SH3D21: variants seen among roughly 807,000 people sequenced by gnomAD.
SH3D21 encodes the protein manchette microtubule inner protein 1, also known as SH3 domain-containing protein 21.
In SH3D21, 83 loss-of-function variants were observed where a neutral mutation model predicts 82.1. The ratio of observed to expected loss-of-function variants is 1.01; its 90% confidence interval spans 0.85 to 1.21. SH3D21 has a LOEUF of 1.21. SH3D21 is among the 50% of genes most tolerant of loss of function. The pLI is 0.00. For missense variants in SH3D21, 980 were observed against 962.1 expected (o/e 1.02, Z -0.25); for synonymous variants, 383 against 387.8 (o/e 0.99, Z 0.15).
downstream of SH3D21, among the ~76,000 whole-genome samples, chr1:36,325,041 A>C (rs1224434923): frequency 6.6e-6 from 1 of 152,008 alleles, no homozygotes; most frequent in Non-Finnish European, 1.5e-5. Context: ...GATATATTTA[A>C]TTTTTTTTCT....
rs750736594 is a variant in SH3D21 at position 36,321,094 on chromosome 1, G to A, written c.2238G>A (p.Pro746=). The A allele has an allele frequency of 2.5e-6, 4 of 1,612,296 alleles. No individual in the cohort carries two copies. ...VMQGTQKSQT[P]RVIHTQTQTY Reference sequence around the variant, plus strand: ...AGGGGACCCAGAAGTCCCAGACCCCGCGCGTCATCCACACGCAGACGCAGA... The same window carrying A: ...AGGGGACCCAGAAGTCCCAGACCCCACGCGTCATCCACACGCAGACGCAGA... The change falls in exon 16 of 16, where the codon CCG becomes CCA. Residue 746 remains proline (P), a synonymous_variant. Transcript: ENST00000453908. This position sits in a 1 kb window ranked among gnomAD's most constrained non-coding sequence, Gnocchi z 6.1.
downstream of SH3D21, chr1:36,321,632 C>T (rs1056630050): frequency 2.6e-5 from 26 of 1,008,750 alleles, no homozygotes; most frequent in African/African-American, 5.2e-5. The surrounding 1 kb of genome is among the most constrained non-coding windows in gnomAD (Gnocchi z 6.1). Context: ...TGAAGTCCAC[C>T]GTCCAGCCCA....
intron 9 of SH3D21, 134 bp from the exon 10 acceptor site, chr1:36,309,414 C>G (rs2124674575): frequency 1.0e-6 from 1 of 976,240 alleles, no homozygotes; most frequent in South Asian, 1.8e-5. Context: ...CCAAGCTGGT[C>G]TCGAACTTCT....
intron 10 of SH3D21, among the ~76,000 whole-genome samples, chr1:36,311,829 T>TA (rs1343123396): frequency 2.0e-5 from 3 of 151,718 alleles, no homozygotes; most frequent in African/African-American, 7.3e-5. Flanking sequence ...TTGTAGCTGG[T>TA]ACTACAGGTA....
downstream of SH3D21, chr1:36,328,455 G>A: frequency 3.4e-6 from 1 of 297,828 alleles, no homozygotes; most frequent in Admixed American, 4.2e-5. Flanking sequence ...TGGAAAGAGG[G>A]TACTGGCAAA....
At chr1:36,308,233 G>C (rs1046616322) in intron 8 of SH3D21, 24 bp downstream of exon 8, 2 of 1,511,692 alleles carry the variant, frequency 1.3e-6, no homozygotes, top group Non-Finnish European at 8.9e-7. Flanking sequence ...AGGGTGGGGG[G>C]GCCCAGGGAA....
chr1:36,307,441 A>C lies in SH3D21; in HGVS notation c.346-76A>C. ...AGGAGGGAGGAAGGGGCGCTTGGGC[A>C]GAACCAAGGGTGGCAGATTATCCTA... On this transcript the variant is annotated intron_variant, in intron 4 of 15. Coordinates refer to ENST00000453908, the MANE Select transcript of SH3D21 (RefSeq NM_001162530.2). The surrounding 1 kb of genome is among the most constrained non-coding windows in gnomAD (Gnocchi z 5.4). 1 of 1,521,620 alleles carries C rather than the reference A, an allele frequency of 6.6e-7. No individual in the cohort carries two copies. Among genetic ancestry groups the C allele is most frequent in the Non-Finnish European group, 8.9e-7 (1 of 1,124,180 alleles). The allele number at this position is 1,521,620 out of a possible 1,614,324, so 94.3% of individuals were successfully genotyped here. A position where few individuals can be genotyped will look rare whatever the true frequency, so the allele number is the denominator to read the frequency against.
chr1:36,321,769 G>A, downstream of SH3D21: 1 of 1,002,814 alleles, frequency 1.0e-6, no homozygotes, highest in African/African-American at 1.7e-5. This position sits in a 1 kb window ranked among gnomAD's most constrained non-coding sequence, Gnocchi z 6.1. Context: ...GTGTGTCCAG[G>A]CGTTTGCCGG....
chr1:36,306,755 G>A lies in SH3D21; in HGVS notation c.162G>A (p.Gln54=). 1 of 1,290,628 alleles carries A rather than the reference G, an allele frequency of 7.7e-7. No individual in the cohort carries two copies. Among genetic ancestry groups the A allele is most frequent in the Non-Finnish European group, 1.0e-6 (1 of 987,456 alleles). The allele number at this position is 1,290,628 out of a possible 1,614,324, so 79.9% of individuals were successfully genotyped here. Residue 54 remains glutamine (Q), a splice_region_variant and synonymous_variant, in exon 2 of 16, where the codon CAG becomes CAA. Transcript: ENST00000453908. The surrounding 1 kb of genome is among the most constrained non-coding windows in gnomAD (Gnocchi z 4.5). ...RYGLFPERLV[Q]EIPETLRGSG... ...GCCTCTTCCCCGAGCGCCTGGTGCA[G>A]GTGAGGCCGAGCCAGGGGCGGGCTG...
chr1:36,320,384 C>T lies in SH3D21; in HGVS notation c.1721C>T (p.Pro574Leu). The T allele has an allele frequency of 6.2e-7, 1 of 1,613,694 alleles. No individual in the cohort carries two copies. Among genetic ancestry groups the T allele is most frequent in the Middle Eastern group, 1.7e-4 (1 of 6,060 alleles). Reference sequence around the variant, plus strand: ...TTGAAGTCTGGGCCAGCATCCAGGCCTGCCCTTGAGAAGCCCCACCCCCAC... The same window carrying T: ...TTGAAGTCTGGGCCAGCATCCAGGCTTGCCCTTGAGAAGCCCCACCCCCAC... ...AELKSGPASR[P>L]ALEKPHPHEE... Residue 574 changes from proline to leucine, a missense_variant, in exon 14 of 16, where the codon CCT becomes CTT. Pro to Leu is a moderately conservative substitution (Grantham distance 98). Coordinates refer to ENST00000453908, the MANE Select transcript of SH3D21 (RefSeq NM_001162530.2).
intron 10 of SH3D21, among the ~76,000 whole-genome samples, chr1:36,313,746 G>A (rs1341115299): frequency 6.6e-6 from 1 of 151,534 alleles, no homozygotes; most frequent in African/African-American, 2.4e-5. Flanking sequence ...TAAGTTTATT[G>A]TAAAGAAAAG....
chr1:36,320,246 A>G lies in SH3D21; in HGVS notation c.1583A>G (p.Glu528Gly). Reference protein sequence around the residue: ...FVAKEDPSSQEEAHTPEAPPP... With the variant: ...FVAKEDPSSQGEAHTPEAPPP... Reference sequence around the variant, plus strand: ...GCCAAAGAGGATCCATCATCCCAGGAGGAGGCCCACACGCCAGAGGCACCC... The same window carrying G: ...GCCAAAGAGGATCCATCATCCCAGGGGGAGGCCCACACGCCAGAGGCACCC... Residue 528 changes from glutamate (E) to glycine (G), a missense_variant, in exon 14 of 16, where the codon GAG (glutamate) becomes GGG (glycine). Physicochemically the swap from Glu to Gly is moderately conservative, Grantham distance 98. Coordinates refer to ENST00000453908, the MANE Select transcript of SH3D21 (RefSeq NM_001162530.2). The G allele has an allele frequency of 6.2e-7, 1 of 1,613,056 alleles. No individual in the cohort carries two copies. Among genetic ancestry groups the G allele is most frequent in the Non-Finnish European group, 8.5e-7 (1 of 1,179,974 alleles).
chr1:36,307,920 G>T lies in SH3D21; in HGVS notation c.495G>T (p.Leu165=). The change falls in exon 7 of 16, where the codon CTG becomes CTT. Residue 165 remains leucine (L), a splice_region_variant and synonymous_variant. Coordinates refer to ENST00000453908, the MANE Select transcript of SH3D21 (RefSeq NM_001162530.2). The surrounding 1 kb of genome is among the most constrained non-coding windows in gnomAD (Gnocchi z 5.4). ...VSPGPQRPPK[L]SSLAYDSPPD... is the part of the protein sequence containing the mutation. ...CTCCCTGCCCCTTCCCCCACTAGCT[G>T]AGCAGCCTGGCCTATGACAGCCCTC... The T allele has an allele frequency of 6.4e-7, 1 of 1,551,692 alleles. No homozygotes were observed. The highest frequency in any genetic ancestry group is 8.7e-7 in the Non-Finnish European group (1 of 1,146,996).
Position 36,307,452 on chromosome 1 carries a change from T to G in SH3D21, c.346-65T>G. ...AGGGGCGCTTGGGCAGAACCAAGGG[T>G]GGCAGATTATCCTAGGGACTCTTGG... On this transcript the variant is annotated intron_variant, in intron 4 of 15. Coordinates refer to ENST00000453908, the MANE Select transcript of SH3D21 (RefSeq NM_001162530.2). This position sits in a 1 kb window ranked among gnomAD's most constrained non-coding sequence, Gnocchi z 5.4. 1 of 1,527,630 alleles carries G rather than the reference T, an allele frequency of 6.5e-7. No homozygotes were observed. The highest frequency in any genetic ancestry group is 8.9e-7 in the Non-Finnish European group (1 of 1,128,742). The allele number at this position is 1,527,630 out of a possible 1,614,324, so 94.6% of individuals were successfully genotyped here. A position where few individuals can be genotyped will look rare whatever the true frequency, so the allele number is the denominator to read the frequency against.
Position 36,307,617 on chromosome 1 carries a change from C to T in SH3D21, c.436+10C>T, listed in dbSNP as rs1031404215. 1.8e-5 allele frequency: 28 copies of T among 1,551,074 alleles called. No homozygotes were observed. In the African/African-American group the frequency reaches 3.2e-4, roughly 17 times the overall value. On this transcript the variant is annotated intron_variant, in intron 5 of 15. Coordinates refer to ENST00000453908, the MANE Select transcript of SH3D21 (RefSeq NM_001162530.2). The surrounding 1 kb of genome is among the most constrained non-coding windows in gnomAD (Gnocchi z 5.4). ...GACAGTGGGCCCCCAAGTGAGACCT[C>T]GACTCTGTGACCCTGTGACTCGCAA...
Position 36,306,789 on chromosome 1 carries a change from C to T in SH3D21, c.162+34C>T. ...GAGCCAGGGGCGGGCTGTGGGGTCT[C>T]AGCGCGCGCCCCCCGGGAGCTGAGA... On this transcript the variant is annotated intron_variant, in intron 2 of 15. Coordinates refer to ENST00000453908, the MANE Select transcript of SH3D21 (RefSeq NM_001162530.2). This position sits in a 1 kb window ranked among gnomAD's most constrained non-coding sequence, Gnocchi z 4.5. The T allele has an allele frequency of 7.7e-7, 1 of 1,291,568 alleles. No homozygotes were observed. Among genetic ancestry groups the T allele is most frequent in the Non-Finnish European group, 1.0e-6 (1 of 987,716 alleles). The allele number at this position is 1,291,568 out of a possible 1,614,324, so 80.0% of individuals were successfully genotyped here.
Position 36,319,555 on chromosome 1 carries a change from G to A in SH3D21, c.1011+19G>A, listed in dbSNP as rs1646407139. ...CAGTCAGGTGAGGGGCGGGAGACAT[G>A]GGAGAGTGGGGATGCTGGGCAGAGG... On this transcript the variant is annotated intron_variant, in intron 13 of 15. Coordinates refer to ENST00000453908, the MANE Select transcript of SH3D21 (RefSeq NM_001162530.2). 2.6e-6 allele frequency: 4 copies of A among 1,551,662 alleles called. No individual in the cohort carries two copies. The highest frequency in any genetic ancestry group is 3.5e-6 in the Non-Finnish European group (4 of 1,146,952).
At chr1:36,316,345 G>A (rs548004049) in intron 10 of SH3D21, among the ~76,000 whole-genome samples, 23 of 152,154 alleles carry the variant, frequency 1.5e-4, no homozygotes, top group African/African-American at 4.6e-4. Flanking sequence ...AGCAATTCTC[G>A]TGCTTCAGCC....
Position 36,306,602 on chromosome 1 carries a change from C to A in SH3D21, c.9C>A (p.Val3=). ...GGCCCCGTCTTCCGCCCGCAGAAGT[C>A]CTCGTCCTGGCCGGATACCGCGCGC... ME[V]LVLAGYRAQK... is the part of the protein sequence containing the mutation. The change falls in exon 2 of 16, where the codon GTC becomes GTA. Residue 3 remains valine (V), a synonymous_variant. Transcript: ENST00000453908. The surrounding 1 kb of genome is among the most constrained non-coding windows in gnomAD (Gnocchi z 4.5). 1.5e-6 allele frequency: 2 copies of A among 1,302,842 alleles called. No individual in the cohort carries two copies. The highest frequency in any genetic ancestry group is 2.0e-6 in the Non-Finnish European group (2 of 988,670). 80.7% of individuals were successfully genotyped at this position (1,302,842 alleles called of 1,614,324 possible).
Sources: allele counts gnomAD v4.1 joint callset (sites outside exome capture counted in the v4.1 genomes callset), GRCh38; gene constraint gnomAD v4.1.1; non-coding constraint Gnocchi (gnomAD v3.1); transcripts MANE v1.5; gene names NCBI Gene and HGNC (gene_info 2026-07-23, HGNC 2026-07-21).